The following GALNT13 variants were observed in gnomAD, a reference collection of about 807,000 sequenced individuals.
The protein encoded by GALNT13 is polypeptide N-acetylgalactosaminyltransferase 13.
GALNT13 carries 28 observed loss-of-function variants against 64.2 expected under a neutral mutation model. The observed-to-expected ratio is 0.44, with a 90% confidence interval of 0.32 to 0.60. GALNT13 has a LOEUF of 0.60. Among genes scored for constraint, GALNT13 ranks in the 20% least tolerant of loss-of-function variants. GALNT13 has a pLI of 0.05. For synonymous variants in GALNT13, 214 were observed against 224.6 expected (o/e 0.95, Z 0.42); for missense variants, 577 against 669.8 (o/e 0.86, Z 1.53).
chr2:153,827,518 G>A, the GALNT13 span, among the ~76,000 whole-genome samples: 1 of 151,860 alleles, frequency 6.6e-6, no homozygotes, highest in African/African-American at 2.4e-5. Context: ...CCAGCTACTT[G>A]GGAGGCTGAG....
the GALNT13 span, among the ~76,000 whole-genome samples, chr2:153,565,106 A>G: frequency 2.0e-5 from 3 of 152,150 alleles, no homozygotes; most frequent in Non-Finnish European, 4.4e-5. Flanking sequence ...CCCATCTGTC[A>G]GTTGTGCCTT....
chr2:153,641,633 T>A, the GALNT13 span, among the ~76,000 whole-genome samples: 3 of 152,182 alleles, frequency 2.0e-5, no homozygotes, highest in Non-Finnish European at 2.9e-5. Flanking sequence ...TACTTACTGG[T>A]GTGGGTCTCA....
chr2:153,764,412 T>C, the GALNT13 span, among the ~76,000 whole-genome samples: 5 of 152,266 alleles, frequency 3.3e-5, no homozygotes, highest in African/African-American at 1.2e-4. Flanking sequence ...GGCACATGCC[T>C]GTAATCCAAA....
intron 9 of GALNT13, among the ~76,000 whole-genome samples, chr2:154,358,920 A>G (rs764162109): frequency 4.6e-5 from 7 of 152,108 alleles, no homozygotes; most frequent in Non-Finnish European, 8.8e-5. Flanking sequence ...CCTTGTTTCA[A>G]TCTGCATTCC....
the GALNT13 span, among the ~76,000 whole-genome samples, chr2:153,638,064 CT>C: frequency 6.6e-6 from 1 of 150,638 alleles, no homozygotes. Context: ...AGGAGTAAAC[CT>C]TTTGGATACA....
the GALNT13 span, among the ~76,000 whole-genome samples, chr2:153,332,684 C>G: frequency 1.5e-4 from 23 of 152,234 alleles, no homozygotes; most frequent in African/African-American, 5.3e-4. Flanking sequence ...TGAGCTGGTG[C>G]TCTGAGATCT....
chr2:153,783,869 C>T, the GALNT13 span, among the ~76,000 whole-genome samples: 1 of 152,298 alleles, frequency 6.6e-6, no homozygotes, highest in Non-Finnish European at 1.5e-5. Context: ...CCCAGCCATG[C>T]TGAACTGTGA....
chr2:153,420,276 A>G, the GALNT13 span, among the ~76,000 whole-genome samples: 1 of 152,168 alleles, frequency 6.6e-6, no homozygotes, highest in East Asian at 1.9e-4. Context: ...TTTTACCACA[A>G]TAAAAAGAGA....
At position 153,897,166 on chromosome 2, in the gene GALNT13, C is replaced by T. The variant is rs6753220; in HGVS notation, c.-176-3770C>T. Among the ~76,000 whole-genome samples the T allele has an allele frequency of 8.0e-3, 1,215 of 152,124 alleles. 17 individuals are homozygous for T. Among genetic ancestry groups the T allele is most frequent in the African/African-American group, 0.028 (1,150 of 41,526 alleles). On this transcript the variant is annotated intron_variant, in intron 1 of 12. Coordinates refer to ENST00000392825, the MANE Select transcript of GALNT13 (RefSeq NM_052917.4). ...GAAAAAGAATATTGCCCTCTATAACCGGTGTGTAATTTTTAATGCAATATT... is the reference window on the plus strand; with the variant it reads ...GAAAAAGAATATTGCCCTCTATAACTGGTGTGTAATTTTTAATGCAATATT...
the GALNT13 span, among the ~76,000 whole-genome samples, chr2:153,249,248 C>G: frequency 2.0e-5 from 3 of 151,786 alleles, no homozygotes; most frequent in Non-Finnish European, 4.4e-5. Context: ...AGACAGAGAG[C>G]CAAATCATGA....
intron 3 of GALNT13, among the ~76,000 whole-genome samples, chr2:154,080,109 A>T (rs1000887459): frequency 5.9e-5 from 9 of 151,652 alleles, no homozygotes; most frequent in Non-Finnish European, 8.9e-5. Flanking sequence ...AGAGTTGAAG[A>T]TACGTGCGTG....
chr2:154,150,639 C>T (rs1212684888), intron 4 of GALNT13, among the ~76,000 whole-genome samples: 1 of 152,196 alleles, frequency 6.6e-6, no homozygotes, highest in Non-Finnish European at 1.5e-5. Flanking sequence ...GATTCAACTT[C>T]TTCCCGGTTT....
chr2:153,264,848 A>G, the GALNT13 span, among the ~76,000 whole-genome samples: 2 of 152,268 alleles, frequency 1.3e-5, no homozygotes, highest in East Asian at 3.9e-4. Flanking sequence ...TGGGCTTAAT[A>G]CCTAGGTGAT....
intron 4 of GALNT13, among the ~76,000 whole-genome samples, chr2:154,218,837 T>C (rs569660607): frequency 6.6e-6 from 1 of 152,236 alleles, no homozygotes; most frequent in East Asian, 1.9e-4. Flanking sequence ...CTGTTGATTT[T>C]CCATTATCTG....
At chr2:153,093,217 ATCTT>A in the GALNT13 span, among the ~76,000 whole-genome samples, 1 of 145,018 alleles carries the variant, frequency 6.9e-6, no homozygotes, top group Non-Finnish European at 1.5e-5. Flanking sequence ...ATGATGAAGG[ATCTT>A]TCTTTTTTTC....
At chr2:154,353,896 T>C (rs1474861334) in intron 9 of GALNT13, among the ~76,000 whole-genome samples, 1 of 152,168 alleles carries the variant, frequency 6.6e-6, no homozygotes, top group Non-Finnish European at 1.5e-5. Flanking sequence ...CTTTACAAGG[T>C]GGTGATTTCA....
rs146649098 is a variant in GALNT13 at position 153,878,980 on chromosome 2, G to T, written c.-177+6677G>T. Among the ~76,000 whole-genome samples, 4 of 152,246 alleles carry T rather than the reference G, an allele frequency of 2.6e-5. No homozygotes were observed. In the East Asian group the frequency reaches 7.7e-4, roughly 29 times the overall value. On this transcript the variant is annotated intron_variant, in intron 1 of 12. Transcript: ENST00000392825. ...ACCTTGAGTTTATTTATTCATTGTA[G>T]TTACAGGTGTTCAGGTCCCACTGAT...
chr2:153,595,993 C>A, the GALNT13 span, among the ~76,000 whole-genome samples: 1 of 152,180 alleles, frequency 6.6e-6, no homozygotes, highest in Non-Finnish European at 1.5e-5. Flanking sequence ...GCATGCATTT[C>A]TTCACCCAGG....
intron 3 of GALNT13, among the ~76,000 whole-genome samples, chr2:154,004,663 T>C (rs1013693): frequency 0.77 from 116,528 of 152,128 alleles, 45,027 homozygotes; most frequent in East Asian, 0.96. Flanking sequence ...CAGTTCTCAT[T>C]TCTGATGCCA....
Sources: gnomAD v4.1 joint callset for allele counts (sites outside exome capture counted in the v4.1 genomes callset) on GRCh38, gnomAD v4.1.1 for gene constraint, MANE v1.5 for transcripts, NCBI Gene and HGNC (gene_info 2026-07-23, HGNC 2026-07-21) for gene names.